MRAP: variants seen among roughly 807,000 people sequenced by gnomAD.
MRAP encodes melanocortin 2 receptor accessory protein.
A neutral mutation model predicts 8.7 loss-of-function variants in MRAP; 8 were observed. The ratio of observed to expected loss-of-function variants is 0.92; its 90% CI spans 0.54 to 1.66. MRAP has a LOEUF of 1.66. Ranked by LOEUF, MRAP falls within the 40% of genes most tolerant of loss-of-function variation. The pLI is 0.00. For missense variants in MRAP, 237 were observed against 217.1 expected (o/e 1.09, Z -0.58); for synonymous variants, 95 against 95.5 (o/e 1.00, Z 0.03).
At chr21:32,298,473 G>A (rs370197018), upstream of MRAP, among the ~76,000 whole-genome samples, 19 of 152,302 alleles carry the variant, frequency 1.2e-4, no homozygotes, top group East Asian at 2.5e-3. Context: ...TTGAATCTAA[G>A]CCAGCAGTTT....
Position 32,312,212 on chromosome 21 carries a change from C to T in MRAP, c.*216C>T, listed in dbSNP as rs1443826167. The T allele has an allele frequency of 3.4e-6, 5 of 1,458,300 alleles. No homozygotes were observed. Among genetic ancestry groups the T allele is most frequent in the East Asian group, 5.0e-5 (2 of 39,944 alleles). The allele number at this position is 1,458,300 out of a possible 1,614,324, so 90.3% of individuals were successfully genotyped here. On this transcript the variant is annotated 3_prime_UTR_variant, in exon 3 of 3. Coordinates refer to ENST00000303645, the MANE Select transcript of MRAP (RefSeq NM_001379228.1). Reference sequence around the variant, plus strand: ...CAGGTGTTGCTGAGTTTATTGAGCACACCTAGCCTGCTTGCTTACTGCTTA... The same window carrying T: ...CAGGTGTTGCTGAGTTTATTGAGCATACCTAGCCTGCTTGCTTACTGCTTA...
chr21:32,300,712 CTA>C (rs1339513555), intron 1 of MRAP, among the ~76,000 whole-genome samples: 59 of 23,730 alleles, frequency 2.5e-3, no homozygotes, highest in Non-Finnish European at 7.6e-4. Context: ...GTCATGCGTC[CTA>C]TGTCGGGGCG....
chr21:32,309,537 C>T (rs1601108557), intron 2 of MRAP, among the ~76,000 whole-genome samples: 2 of 151,484 alleles, frequency 1.3e-5, no homozygotes, highest in Middle Eastern at 3.4e-3. Context: ...CTGCAACCTC[C>T]ACCTCCCAAG....
downstream of MRAP, chr21:32,313,783 A>C (rs1391194157): frequency 6.6e-6 from 1 of 152,276 alleles, no homozygotes; most frequent in African/African-American, 2.4e-5. Flanking sequence ...GTTTTAAAGG[A>C]ACAGACGGAA....
chr21:32,306,812 C>T (rs2032431902), intron 2 of MRAP, 73 bp downstream of exon 2: 1 of 1,195,602 alleles, frequency 8.4e-7, no homozygotes, highest in African/African-American at 1.5e-5. Flanking sequence ...GGTTGAGTAT[C>T]CCTCATCCAA....
At chr21:32,312,304 T>A, downstream of MRAP, 2 of 1,315,152 alleles carry the variant, frequency 1.5e-6, no homozygotes, top group Non-Finnish European at 2.0e-6. Flanking sequence ...GTTTGCTTAC[T>A]AATCTTTACT....
At chr21:32,309,914 G>C (rs1484443585) in intron 2 of MRAP, among the ~76,000 whole-genome samples, 1 of 152,048 alleles carries the variant, frequency 6.6e-6, no homozygotes, top group African/African-American at 2.4e-5. Context: ...CTGAGGTCAG[G>C]AGCCACTGTG....
At chr21:32,296,112 A>G (rs931463712), upstream of MRAP, among the ~76,000 whole-genome samples, 7 of 152,154 alleles carry the variant, frequency 4.6e-5, no homozygotes, top group African/African-American at 1.4e-4. Context: ...GTCAATGGCC[A>G]TCTCCTCCCT....
rs760301154 is a variant in MRAP at position 32,306,687 on chromosome 21, C to T, written c.154C>T (p.Leu52=). 7 of 1,614,042 alleles carry T rather than the reference C, an allele frequency of 4.3e-6. No homozygotes were observed. Among genetic ancestry groups the T allele is most frequent in the Middle Eastern group, 1.6e-4 (1 of 6,084 alleles). The part of the protein sequence containing the change: ...FWVSLAAFVV[L]LFLILLYMSW... The stretch of plus-strand genomic sequence containing the variant: ...GGTGAGCCTGGCTGCCTTCGTGGTG[C>T]TGCTCTTCCTCATCTTGCTCTACAT... Residue 52 remains leucine, a synonymous_variant, in exon 2 of 3, where the codon CTG becomes TTG. Transcript: ENST00000303645.
At chr21:32,309,275 G>A (rs1026897211) in intron 2 of MRAP, among the ~76,000 whole-genome samples, 14 of 151,882 alleles carry the variant, frequency 9.2e-5, no homozygotes, top group Admixed American at 8.5e-4. Flanking sequence ...ACGAGTTTTG[G>A]TGGGGACAAA....
Position 32,301,254 on chromosome 21 carries a change from G to A in MRAP, c.106+2177G>A, listed in dbSNP as rs546539486. On this transcript the variant is annotated intron_variant, in intron 1 of 2. Transcript: ENST00000303645. ...TGGGATTACAGGCGTGAGCCACCAC[G>A]CCTGGCCCAATTAGGATGGATTGTA... Among the ~76,000 whole-genome samples the A allele has an allele frequency of 6.6e-5, 10 of 152,208 alleles. No individual in the cohort carries two copies. The East Asian group carries it at 7.7e-4, about 12-fold the overall frequency.
rs1222889557 is a variant in MRAP at position 32,306,804 on chromosome 21, T to C, written c.206+65T>C. 61 of 1,274,434 alleles carry C rather than the reference T, an allele frequency of 4.8e-5. No individual in the cohort carries two copies. The East Asian group carries it at 1.2e-3, about 24-fold the overall frequency. The allele number at this position is 1,274,434 out of a possible 1,614,324, so 78.9% of individuals were successfully genotyped here. ...GCTCTCCAGTGAGTAACAGTGCAGG[T>C]TGAGTATCCCTCATCCAAAATGCTG... On this transcript the variant is annotated intron_variant, in intron 2 of 2. Coordinates refer to ENST00000303645, the MANE Select transcript of MRAP (RefSeq NM_001379228.1).
chr21:32,300,808 CAGG>C (rs979728877), intron 1 of MRAP, among the ~76,000 whole-genome samples: 1 of 145,484 alleles, frequency 6.9e-6, no homozygotes, highest in African/African-American at 2.6e-5. Context: ...CATCCTATGT[CAGG>C]GGCGTCATGT....
upstream of MRAP, among the ~76,000 whole-genome samples, chr21:32,296,008 AAC>A (rs573454633): frequency 9.9e-5 from 15 of 152,184 alleles, no homozygotes; most frequent in East Asian, 2.3e-3. Flanking sequence ...AAAAAACAAA[AAC>A]ACAGAAATGT....
intron 1 of MRAP, among the ~76,000 whole-genome samples, chr21:32,304,355 G>C (rs1179307777): frequency 6.6e-6 from 1 of 152,132 alleles, no homozygotes; most frequent in Non-Finnish European, 1.5e-5. Flanking sequence ...GGTGACTCAC[G>C]CCTGTAACCC....
intron 1 of MRAP, among the ~76,000 whole-genome samples, chr21:32,292,101 A>C (rs989539402): frequency 2.0e-5 from 3 of 152,212 alleles, no homozygotes; most frequent in African/African-American, 7.2e-5. Flanking sequence ...TTGACTAGAT[A>C]GTTGATTCAA....
chr21:32,306,243 G>C (rs534403604), intron 1 of MRAP, among the ~76,000 whole-genome samples: 1 of 151,924 alleles, frequency 6.6e-6, no homozygotes, highest in South Asian at 2.1e-4. Flanking sequence ...CATCCCTCCC[G>C]GGGGCCCAGG....
downstream of MRAP, chr21:32,314,766 C>G: frequency 7.0e-7 from 1 of 1,434,044 alleles, no homozygotes; most frequent in Non-Finnish European, 9.6e-7. Context: ...ATAAAGTCCT[C>G]TCAACTTTTC....
intron 2 of MRAP, among the ~76,000 whole-genome samples, chr21:32,309,388 G>A (rs1601108236): frequency 6.6e-6 from 1 of 151,996 alleles, no homozygotes; most frequent in Non-Finnish European, 1.5e-5. Flanking sequence ...ACACTCGCCA[G>A]GCCATTTCCG....
Sources: gnomAD v4.1 joint callset for allele counts (sites outside exome capture counted in the v4.1 genomes callset) on GRCh38, gnomAD v4.1.1 for gene constraint, MANE v1.5 for transcripts, NCBI Gene and HGNC (gene_info 2026-07-23, HGNC 2026-07-21) for gene names.